Variants in SPMIP4 observed in about 807,000 individuals in gnomAD.
SPMIP4 encodes sperm-associated microtubule inner protein 4.
At chr7:25,143,703 G>A in the SPMIP4 span, among the ~76,000 whole-genome samples, 1 of 149,930 alleles carries the variant, frequency 6.7e-6, no homozygotes, top group Non-Finnish European at 1.5e-5. Flanking sequence ...GTGATTCTCT[G>A]GCCTCAGCCT....
chr7:25,159,838 A>C, the SPMIP4 span, among the ~76,000 whole-genome samples: 1 of 152,226 alleles, frequency 6.6e-6, no homozygotes. Context: ...GAATATATGA[A>C]TCCAAGGAAT....
At chr7:25,158,088 G>A in the SPMIP4 span, among the ~76,000 whole-genome samples, 1 of 152,156 alleles carries the variant, frequency 6.6e-6, no homozygotes, top group Non-Finnish European at 1.5e-5. Context: ...TAGTTTTCAG[G>A]CCAGGCACTG....
At chr7:25,166,164 G>A in the SPMIP4 span, among the ~76,000 whole-genome samples, 8 of 151,702 alleles carry the variant, frequency 5.3e-5, no homozygotes, top group South Asian at 4.2e-4. Flanking sequence ...GCCGAACAAT[G>A]AGCCTATTTC....
At chr7:25,164,276 G>A in the SPMIP4 span, among the ~76,000 whole-genome samples, 56,649 of 152,054 alleles carry the variant, frequency 0.37, 12,562 homozygotes, top group Non-Finnish European at 0.5. Context: ...CCATCAGGGG[G>A]TACAACAATG....
the SPMIP4 span, among the ~76,000 whole-genome samples, chr7:25,178,040 A>G: frequency 6.6e-6 from 1 of 152,182 alleles, no homozygotes; most frequent in African/African-American, 2.4e-5. Flanking sequence ...GCTCCCACTT[A>G]TAAGTCAGAA....
the SPMIP4 span, chr7:25,154,995 C>T: frequency 6.2e-6 from 10 of 1,600,002 alleles, no homozygotes; most frequent in East Asian, 2.0e-4. Flanking sequence ...AGTTCTGATT[C>T]CAGGTCACAT....
the SPMIP4 span, among the ~76,000 whole-genome samples, chr7:25,154,101 G>A: frequency 1.3e-5 from 2 of 152,228 alleles, no homozygotes; most frequent in African/African-American, 4.8e-5. Context: ...TTCTACTCAT[G>A]CAGTCTGACT....
the SPMIP4 span, among the ~76,000 whole-genome samples, chr7:25,171,794 A>G: frequency 6.6e-6 from 1 of 152,244 alleles, no homozygotes; most frequent in Non-Finnish European, 1.5e-5. Flanking sequence ...GACCATCTAC[A>G]CAAGAAGCTG....
At chr7:25,158,854 CA>C in the SPMIP4 span, among the ~76,000 whole-genome samples, 2,043 of 131,606 alleles carry the variant, frequency 0.016, 35 homozygotes, top group South Asian at 0.078. Context: ...AAGTCTGTCT[CA>C]AAAAAAAAAA....
At chr7:25,178,632 G>T in the SPMIP4 span, among the ~76,000 whole-genome samples, 1 of 152,346 alleles carries the variant, frequency 6.6e-6, no homozygotes, top group East Asian at 1.9e-4. Flanking sequence ...GAATGTAGTG[G>T]ATGAATTTGA....
At chr7:25,142,911 G>T in the SPMIP4 span, 1 of 894,056 alleles carries the variant, frequency 1.1e-6, no homozygotes, top group South Asian at 2.9e-5. Context: ...GGAAATTCCA[G>T]GCTGACGTCA....
the SPMIP4 span, among the ~76,000 whole-genome samples, chr7:25,130,334 C>T: frequency 7.7e-5 from 10 of 130,444 alleles, no homozygotes; most frequent in Middle Eastern, 4.3e-3. Flanking sequence ...TTTTTTGAGA[C>T]GGAGTTTCGC....
the SPMIP4 span, among the ~76,000 whole-genome samples, chr7:25,148,622 G>A: frequency 1.9e-4 from 29 of 151,752 alleles, no homozygotes; most frequent in African/African-American, 7.0e-4. Context: ...TTACAGGCAT[G>A]CCCCACCATG....
At chr7:25,166,230 C>CTTTTTTTT in the SPMIP4 span, among the ~76,000 whole-genome samples, 7 of 69,224 alleles carry the variant, frequency 1.0e-4, no homozygotes, top group Non-Finnish European at 7.9e-5. Flanking sequence ...TTCTTTCCGT[C>CTTTTTTTT]TTCTTTTTTT....
the SPMIP4 span, among the ~76,000 whole-genome samples, chr7:25,173,105 GAGAGAGAAGGGGAGAGACAGGA>G: frequency 1.3e-5 from 2 of 152,126 alleles, no homozygotes; most frequent in Admixed American, 1.3e-4. This position sits in a 1 kb window ranked among gnomAD's most constrained non-coding sequence, Gnocchi z 4.4. Flanking sequence ...GGTAGATAGG[GAGAGAGAAGGGGAGAGACAGGA>G]AGAGAGAGAG....
the SPMIP4 span, among the ~76,000 whole-genome samples, chr7:25,166,627 C>G: frequency 6.6e-6 from 1 of 151,966 alleles, no homozygotes; most frequent in Non-Finnish European, 1.5e-5. Flanking sequence ...TGGCTCATGT[C>G]TGTAATCCCA....
the SPMIP4 span, chr7:25,179,498 T>C: frequency 2.7e-4 from 123 of 461,382 alleles, 2 homozygotes; most frequent in South Asian, 6.1e-3. Flanking sequence ...ATAAGTTCTA[T>C]GGAAATAAAT....
chr7:25,140,681 TG>T, the SPMIP4 span, among the ~76,000 whole-genome samples: 1 of 151,540 alleles, frequency 6.6e-6, no homozygotes, highest in Admixed American at 6.6e-5. Flanking sequence ...CCCATCCCCC[TG>T]GCTGAAGCGA....
chr7:25,177,143 A>C, the SPMIP4 span, among the ~76,000 whole-genome samples: 4 of 152,212 alleles, frequency 2.6e-5, no homozygotes, highest in African/African-American at 7.2e-5. Context: ...CAAAAATGGA[A>C]TGGACTGCCT....
Sources: gnomAD v4.1 joint callset for allele counts (sites outside exome capture counted in the v4.1 genomes callset) on GRCh38, gnomAD v4.1.1 for gene constraint, Gnocchi (gnomAD v3.1) non-coding constraint, MANE v1.5 for transcripts, NCBI Gene and HGNC (gene_info 2026-07-23, HGNC 2026-07-21) for gene names.